HEXIM2: variants seen among roughly 807,000 people sequenced by gnomAD.
HEXIM2 encodes the protein protein HEXIM2.
For synonymous variants in HEXIM2, 159 were observed against 162.7 expected, an observed-to-expected ratio of 0.98 and a Z score of 0.17; for missense variants, 413 against 390.8, an observed-to-expected ratio of 1.06 and a Z score of -0.48.
In HEXIM2 at chr17:45,169,260, C is replaced by G; in HGVS notation, c.312C>G (p.Pro104=). 2 of 1,613,840 alleles carry G rather than the reference C, an allele frequency of 1.2e-6. No individual in the cohort carries two copies. The highest frequency in any genetic ancestry group is 2.2e-5 in the South Asian group (2 of 91,084). ...RPSKRKRHWR[P]YLELSWAEKQ... is the part of the protein sequence containing the mutation. ...CGAAGCGCAAAAGGCACTGGCGACC[C>G]TACCTGGAGCTGAGCTGGGCTGAGA... is the stretch of plus-strand genomic sequence containing the variant. Residue 104 remains proline (P), a synonymous_variant, in exon 4 of 4, where the codon CCC becomes CCG. Coordinates refer to ENST00000589230, the MANE Select transcript of HEXIM2 (RefSeq NM_001303441.2).
At chr17:45,161,038 G>T (rs913868305), upstream of HEXIM2, 11 of 1,050,644 alleles carry the variant, frequency 1.0e-5, no homozygotes, top group Non-Finnish European at 1.4e-5. Flanking sequence ...CCTCCCCCGC[G>T]GCGCCAGCCT....
chr17:45,166,509 C>T (rs2042846763), intron 3 of HEXIM2, among the ~76,000 whole-genome samples: 1 of 152,290 alleles, frequency 6.6e-6, no homozygotes, highest in South Asian at 2.1e-4. Context: ...TGAGCACTGC[C>T]CTTGTGCTGT....
At position 45,169,480 on chromosome 17, in the gene HEXIM2, A is replaced by G. The variant is rs2042965274; in HGVS notation, c.532A>G (p.Ser178Gly). 2.5e-6 allele frequency: 4 copies of G among 1,613,564 alleles called. No homozygotes were observed. The highest frequency in any genetic ancestry group is 2.5e-6 in the Non-Finnish European group (3 of 1,179,876). ...GSSGESEAGD[S>G]DGRGRAHGEF... The stretch of plus-strand genomic sequence containing the variant: ...CAGTGGGGAGAGTGAGGCCGGGGAC[A>G]GTGATGGGCGGGGCCGAGCGCACGG... Residue 178 changes from serine to glycine, a missense_variant, in exon 4 of 4, where the codon AGT (serine) becomes GGT (glycine). By Grantham distance (56) the Ser-to-Gly change is moderately conservative. Coordinates refer to ENST00000589230, the MANE Select transcript of HEXIM2 (RefSeq NM_001303441.2).
chr17:45,165,768 TTTTAATTTAA>T (rs140460755), intron 3 of HEXIM2, among the ~76,000 whole-genome samples: 112 of 151,904 alleles, frequency 7.4e-4, no homozygotes, highest in African/African-American at 2.1e-3. Context: ...TTATTTTATT[TTTTAATTTAA>T]TTTAATTTAA....
chr17:45,169,347 C>T lies in HEXIM2; in HGVS notation c.399C>T (p.Ala133=), dbSNP rs1232992556. 1 of 1,613,704 alleles carries T rather than the reference C, an allele frequency of 6.2e-7. No individual in the cohort carries two copies. Among genetic ancestry groups the T allele is most frequent in the African/African-American group, 1.3e-5 (1 of 74,900 alleles). Residue 133 remains alanine (A), a synonymous_variant, in exon 4 of 4, where the codon GCC becomes GCT. Transcript: ENST00000589230. The part of the protein sequence containing the change: ...RASRVREEMF[A]KGQPVAPYNT... ...CCCGGGTCCGCGAAGAGATGTTCGCCAAAGGCCAGCCCGTGGCCCCCTACA... is the reference window on the plus strand; with the variant it reads ...CCCGGGTCCGCGAAGAGATGTTCGCTAAAGGCCAGCCCGTGGCCCCCTACA...
At chr17:45,161,223 C>G (rs1053562093), upstream of HEXIM2, 17 of 353,386 alleles carry the variant, frequency 4.8e-5, no homozygotes, top group Non-Finnish European at 9.0e-5. Flanking sequence ...CAGCCTCTCC[C>G]CTTCTGGGGT....
upstream of HEXIM2, chr17:45,161,003 T>G: frequency 8.0e-7 from 1 of 1,255,550 alleles, no homozygotes; most frequent in Non-Finnish European, 1.0e-6. Flanking sequence ...CCACGCCGAC[T>G]TGTGGCCAGA....
upstream of HEXIM2, chr17:45,160,852 T>A: frequency 8.1e-7 from 1 of 1,240,110 alleles, no homozygotes; most frequent in South Asian, 1.2e-5. Context: ...CTCTAGCTGC[T>A]CCCAGGGGGA....
chr17:45,167,720 G>A (rs931940074), intron 3 of HEXIM2, among the ~76,000 whole-genome samples: 9 of 151,684 alleles, frequency 5.9e-5, no homozygotes, highest in African/African-American at 1.5e-4. Context: ...TCCGCGTCCC[G>A]ACTAGCTGGG....
At chr17:45,161,011 A>AGACCTGC, upstream of HEXIM2, 1 of 1,220,932 alleles carries the variant, frequency 8.2e-7, no homozygotes, top group Non-Finnish European at 1.1e-6. Context: ...ACTTGTGGCC[A>AGACCTGC]GACCTGCGAC....
At chr17:45,165,983 G>C (rs1489557047) in intron 3 of HEXIM2, among the ~76,000 whole-genome samples, 1 of 151,748 alleles carries the variant, frequency 6.6e-6, no homozygotes, top group Non-Finnish European at 1.5e-5. Flanking sequence ...TTTTAGTAGA[G>C]ACGGGGTTTG....
rs1451747676 is a variant in HEXIM2, at chr17:45,162,858, A to G, written c.65A>G (p.Lys22Arg). The change falls in exon 3 of 4, where the codon AAG becomes AGG. Residue 22 changes from lysine (K) to arginine (R), a missense_variant and splice_region_variant. Transcript: ENST00000589230. ...TCACCAGTGGCCCTGGAGGAGGCCAAGGTAAGTCCCTGCCCTCCTGCCCAC... is the reference window on the plus strand; with the variant it reads ...TCACCAGTGGCCCTGGAGGAGGCCAGGGTAAGTCCCTGCCCTCCTGCCCAC... ...AESPVALEEA[K>R]TSGAPGSPQT... 1 of 1,606,968 alleles carries G rather than the reference A, an allele frequency of 6.2e-7. No individual in the cohort carries two copies. Among genetic ancestry groups the G allele is most frequent in the South Asian group, 1.1e-5 (1 of 90,874 alleles).
At chr17:45,168,992 T>G (rs1442124978) in intron 3 of HEXIM2, 23 bp from the exon 4 acceptor site, 1 of 1,575,176 alleles carries the variant, frequency 6.3e-7, no homozygotes, top group African/African-American at 1.4e-5. Flanking sequence ...TGATCCATCC[T>G]TCTTCCTCCT....
At chr17:45,165,698 T>G (rs1334165175) in intron 3 of HEXIM2, among the ~76,000 whole-genome samples, 4 of 152,302 alleles carry the variant, frequency 2.6e-5, no homozygotes, top group Non-Finnish European at 4.4e-5. Context: ...GCCATTCATA[T>G]TGGAGAGTGA....
At chr17:45,160,528 G>T (rs544297721), upstream of HEXIM2, among the ~76,000 whole-genome samples, 4 of 152,146 alleles carry the variant, frequency 2.6e-5, no homozygotes, top group African/African-American at 7.2e-5. Flanking sequence ...TCTAAAAGTT[G>T]TGTAAAAGTT....
At chr17:45,167,616 TTTTG>T (rs142898515) in intron 3 of HEXIM2, among the ~76,000 whole-genome samples, 24 of 151,810 alleles carry the variant, frequency 1.6e-4, no homozygotes, top group East Asian at 9.8e-4. Flanking sequence ...TAAGAGTCTT[TTTTG>T]TTTGTTTGTT....
chr17:45,163,474 C>T (rs1168569247), intron 3 of HEXIM2, among the ~76,000 whole-genome samples: 1 of 152,110 alleles, frequency 6.6e-6, no homozygotes, highest in Non-Finnish European at 1.5e-5. Flanking sequence ...AACTTAGGGC[C>T]TTCTGACAAC....
intron 3 of HEXIM2, 143 bp downstream of exon 3, chr17:45,163,002 G>A (rs1170465681): frequency 1.3e-5 from 8 of 628,576 alleles, no homozygotes; most frequent in African/African-American, 5.5e-5. Context: ...GCAATAGGCC[G>A]GAATCCCAGT....
chr17:45,166,776 T>C (rs1292131131), intron 3 of HEXIM2, among the ~76,000 whole-genome samples: 49 of 151,850 alleles, frequency 3.2e-4, no homozygotes, highest in Non-Finnish European at 4.4e-5. Flanking sequence ...GTAATCCCAG[T>C]ACTTTGGGAG....
Sources: gnomAD v4.1 joint callset for allele counts (sites outside exome capture counted in the v4.1 genomes callset) on GRCh38, gnomAD v4.1.1 for gene constraint, MANE v1.5 for transcripts, NCBI Gene and HGNC (gene_info 2026-07-23, HGNC 2026-07-21) for gene names.